NELL1: variants seen among roughly 807,000 people sequenced by gnomAD.
The protein encoded by NELL1 is protein kinase C-binding protein NELL1.
NELL1 carries 76 observed loss-of-function variants against 107.4 expected under a neutral mutation model. The ratio of observed to expected loss-of-function variants is 0.71; its 90% CI spans 0.59 to 0.86. The LOEUF (loss-of-function observed/expected upper bound fraction) is 0.86, where lower values mean the gene tolerates loss of function less well. NELL1 is among the 40% of genes least tolerant of loss of function. NELL1 has a pLI of 0.00. For missense variants in NELL1, 1,024 were observed against 1,005.5 expected (o/e 1.02, Z -0.25); for synonymous variants, 353 against 341.2 (o/e 1.03, Z -0.38).
At chr11:20,991,555 C>T (rs1851971750) in intron 12 of NELL1, among the ~76,000 whole-genome samples, 1 of 152,082 alleles carries the variant, frequency 6.6e-6, no homozygotes, top group African/African-American at 2.4e-5. Context: ...TGGTCTGATT[C>T]CAAAATTCAT....
At chr11:20,905,825 G>A (rs554094150) in intron 5 of NELL1, among the ~76,000 whole-genome samples, 13 of 152,080 alleles carry the variant, frequency 8.5e-5, no homozygotes, top group African/African-American at 1.4e-4. Context: ...TGTATGCACC[G>A]GGGGTGTCTC....
At chr11:21,033,886 A>C (rs1020037797) in intron 12 of NELL1, among the ~76,000 whole-genome samples, 1 of 151,814 alleles carries the variant, frequency 6.6e-6, no homozygotes, top group Non-Finnish European at 1.5e-5. Context: ...TTTCTCCACA[A>C]CCTCGCCAGC....
rs1169690030 is a variant in NELL1, at chr11:21,229,472, G to C, written c.1549+18G>C. On this transcript the variant is annotated intron_variant, in intron 14 of 19. Coordinates refer to ENST00000357134, the MANE Select transcript of NELL1 (RefSeq NM_006157.5). ...CTGCAGAGGTAGGCTTGCCGCCTTA[G>C]TGTTGAGTTGTGAGCAGCCATTCTG... 1 of 1,612,852 alleles carries C rather than the reference G, an allele frequency of 6.2e-7. No individual in the cohort carries two copies.
At chr11:20,914,462 G>A (rs1313985110) in intron 5 of NELL1, among the ~76,000 whole-genome samples, 1 of 152,082 alleles carries the variant, frequency 6.6e-6, no homozygotes, top group Non-Finnish European at 1.5e-5. Context: ...TCTGATAAGG[G>A]GTTGTGGAGA....
At chr11:21,433,601 G>T (rs766182687) in intron 15 of NELL1, among the ~76,000 whole-genome samples, 23 of 152,012 alleles carry the variant, frequency 1.5e-4, no homozygotes, top group Non-Finnish European at 2.6e-4. Flanking sequence ...CCTTATTATG[G>T]TTTTTTGTTT....
At chr11:21,508,232 T>C (rs1855344279) in intron 15 of NELL1, among the ~76,000 whole-genome samples, 1 of 151,982 alleles carries the variant, frequency 6.6e-6, no homozygotes, top group Non-Finnish European at 1.5e-5. Context: ...GAAAATAAAA[T>C]AAATAATGTA....
chr11:20,981,330 A>T (rs1385083270), intron 12 of NELL1, among the ~76,000 whole-genome samples: 1 of 152,174 alleles, frequency 6.6e-6, no homozygotes. Flanking sequence ...TTTAGTAGGA[A>T]TCATAAGTCT....
At chr11:20,787,880 C>T (rs1393359900) in intron 3 of NELL1, among the ~76,000 whole-genome samples, 1 of 152,184 alleles carries the variant, frequency 6.6e-6, no homozygotes, top group Non-Finnish European at 1.5e-5. Context: ...AGCTCCCAAG[C>T]CTTAGGCAAC....
intron 5 of NELL1, among the ~76,000 whole-genome samples, chr11:20,902,160 G>A (rs1483957771): frequency 6.6e-6 from 1 of 152,002 alleles, no homozygotes; most frequent in African/African-American, 2.4e-5. Context: ...AGAAAATACT[G>A]ATGGGTTTAC....
At chr11:21,344,416 T>C (rs1271889634) in intron 14 of NELL1, among the ~76,000 whole-genome samples, 1 of 152,146 alleles carries the variant, frequency 6.6e-6, no homozygotes, top group Non-Finnish European at 1.5e-5. Flanking sequence ...GCTATAGTAT[T>C]ATTTAATGTG....
At chr11:21,330,609 T>C (rs1197260646) in intron 14 of NELL1, among the ~76,000 whole-genome samples, 1 of 152,124 alleles carries the variant, frequency 6.6e-6, no homozygotes, top group Non-Finnish European at 1.5e-5. Flanking sequence ...CCTGGGATTC[T>C]TTTATGTATA....
intron 14 of NELL1, among the ~76,000 whole-genome samples, chr11:21,314,397 A>T (rs759921912): frequency 9.6e-4 from 146 of 152,300 alleles, no homozygotes; most frequent in Non-Finnish European, 1.5e-3. Flanking sequence ...CTTGCTCTTC[A>T]TCTGTGAAAT....
At chr11:21,097,045 T>C (rs1012458837) in intron 12 of NELL1, among the ~76,000 whole-genome samples, 3 of 152,092 alleles carry the variant, frequency 2.0e-5, no homozygotes, top group Admixed American at 2.0e-4. Flanking sequence ...TTGCCATTGC[T>C]TAACTACTCT....
intron 14 of NELL1, among the ~76,000 whole-genome samples, chr11:21,256,262 C>T (rs984694276): frequency 6.6e-6 from 1 of 152,014 alleles, no homozygotes; most frequent in Admixed American, 6.6e-5. Context: ...TGTATATTTG[C>T]TCTCTCTGAG....
At chr11:20,685,810 C>T (rs1029638356) in intron 2 of NELL1, among the ~76,000 whole-genome samples, 1 of 151,984 alleles carries the variant, frequency 6.6e-6, no homozygotes, top group African/African-American at 2.4e-5. Context: ...GTGGAAAAAG[C>T]AGAAGACTGG....
chr11:21,104,237 T>C (rs1854892413), intron 12 of NELL1, among the ~76,000 whole-genome samples: 1 of 152,186 alleles, frequency 6.6e-6, no homozygotes, highest in Non-Finnish European at 1.5e-5. Context: ...AAGACTGAAT[T>C]GATCACCCTT....
At chr11:20,955,849 G>T (rs1467387187) in intron 11 of NELL1, among the ~76,000 whole-genome samples, 1 of 152,066 alleles carries the variant, frequency 6.6e-6, no homozygotes, top group Non-Finnish European at 1.5e-5. Flanking sequence ...ATTCTAGAAT[G>T]TTATCACTGA....
In NELL1 at chr11:21,267,187, G is replaced by A. The variant is rs1036739348; in HGVS notation, c.1549+37733G>A. Among the ~76,000 whole-genome samples the A allele has an allele frequency of 5.3e-5, 8 of 152,150 alleles. 1 individual carries two copies. The East Asian group carries it at 1.5e-3, about 29-fold the overall frequency. On this transcript the variant is annotated intron_variant, in intron 14 of 19. Transcript: ENST00000357134. Reference sequence around the variant, plus strand: ...ATGGTATAGAAATGAGAATGAGGCTGTCCTTACAATCTCCAAATCAAAGAC... The same window carrying A: ...ATGGTATAGAAATGAGAATGAGGCTATCCTTACAATCTCCAAATCAAAGAC...
intron 10 of NELL1, among the ~76,000 whole-genome samples, chr11:20,946,868 G>A (rs1256666713): frequency 1.3e-5 from 2 of 152,062 alleles, no homozygotes; most frequent in Admixed American, 1.3e-4. Context: ...TCTATCACTG[G>A]GTTCACAAAG....
Sources: allele counts gnomAD v4.1 joint callset (sites outside exome capture counted in the v4.1 genomes callset), GRCh38; gene constraint gnomAD v4.1.1; transcripts MANE v1.5; gene names NCBI Gene and HGNC (gene_info 2026-07-23, HGNC 2026-07-21).